STRADA: variants seen among roughly 807,000 people sequenced by gnomAD.
The protein encoded by STRADA is STE20 related adaptor alpha, also known as STE20-related kinase adapter protein alpha.
STRADA carries 26 observed loss-of-function variants against 55.0 expected under a neutral mutation model. The ratio of observed to expected loss-of-function variants is 0.47; its 90% CI spans 0.35 to 0.66. The LOEUF (loss-of-function observed/expected upper bound fraction) is 0.66. Among genes scored for constraint, STRADA ranks in the 30% least tolerant of loss-of-function variants. The probability of loss-of-function intolerance (pLI) is 0.01; values close to 1 mark genes in which losing one functional copy is unlikely to be tolerated. For synonymous variants in STRADA, 197 were observed against 210.9 expected (o/e 0.93, Z 0.57); for missense variants, 443 against 549.7 (o/e 0.81, Z 1.94).
intron 9 of STRADA, 97 bp downstream of exon 9, chr17:63,707,149 AC>A (rs2036147992): frequency 6.7e-7 from 1 of 1,489,540 alleles, no homozygotes. Flanking sequence ...CCTTTACCCC[AC>A]TGGGAGGTTG....
rs746701996 is a variant in STRADA, at chr17:63,726,627, A to G, written c.94+11T>C. ...TCCTGAAGTGATGGCTAAATGCCAT[A>G]CTGTACTTACCTCCAAATAGTTCCA... On this transcript the variant is annotated intron_variant, in intron 3 of 12. Coordinates refer to ENST00000336174, the MANE Select transcript of STRADA (RefSeq NM_001003787.4). 5 of 1,613,480 alleles carry G rather than the reference A, an allele frequency of 3.1e-6. No individual in the cohort carries two copies. In the South Asian group the frequency reaches 5.5e-5, roughly 18 times the overall value.
Position 63,707,397 on chromosome 17 carries a change from G to C in STRADA, c.603C>G (p.Ile201Met). 6.2e-7 allele frequency: 1 copy of C among 1,614,024 alleles called. No individual in the cohort carries two copies. Reference protein sequence around the residue: ...YVHRSVKASHILISVDGKVYL... With the variant: ...YVHRSVKASHMLISVDGKVYL... Reference sequence around the variant, plus strand: ...AGACCTTCCCATCCACAGAGATCAGGATGTGGCTGGCTTTGACACTCCTGG... The same window carrying C: ...AGACCTTCCCATCCACAGAGATCAGCATGTGGCTGGCTTTGACACTCCTGG... Residue 201 changes from isoleucine to methionine, a missense_variant, in exon 9 of 13, where the codon ATC becomes ATG. Transcript: ENST00000336174.
chr17:63,721,258 G>C (rs2037297263), intron 4 of STRADA, among the ~76,000 whole-genome samples: 1 of 151,900 alleles, frequency 6.6e-6, no homozygotes, highest in South Asian at 2.1e-4. Context: ...TGTAGTCCCA[G>C]CTACTCGGGA....
intron 9 of STRADA, 77 bp downstream of exon 9, chr17:63,707,170 G>C (rs1022010354): frequency 6.4e-7 from 1 of 1,574,708 alleles, no homozygotes; most frequent in Non-Finnish European, 8.7e-7. Context: ...GAGAGCCCCC[G>C]ACTCCAGGCA....
chr17:63,740,702 G>C (rs1344823346), intron 1 of STRADA, among the ~76,000 whole-genome samples: 2 of 152,122 alleles, frequency 1.3e-5, no homozygotes, highest in African/African-American at 2.4e-5. Flanking sequence ...CAGATAAGTG[G>C]TAGGGGACTA....
At chr17:63,724,205 T>G (rs1326819050) in intron 3 of STRADA, among the ~76,000 whole-genome samples, 1 of 151,242 alleles carries the variant, frequency 6.6e-6, no homozygotes, top group Admixed American at 6.6e-5. Flanking sequence ...TGCAGTGGTG[T>G]GATCCTGGCT....
chr17:63,732,745 C>T (rs1019548766), intron 1 of STRADA, among the ~76,000 whole-genome samples: 3 of 151,966 alleles, frequency 2.0e-5, no homozygotes, highest in African/African-American at 7.2e-5. Flanking sequence ...AAGTGAGCCA[C>T]GATCGCACCA....
chr17:63,726,685 G>C lies in STRADA; in HGVS notation c.47C>G (p.Ser16Trp). 6.2e-7 allele frequency: 1 copy of C among 1,613,882 alleles called. No homozygotes were observed. ...SKPERIRRWVSEKFIVEGLRD... is the reference protein window; with the variant it reads ...SKPERIRRWVWEKFIVEGLRD... ...TAAGCCCTCAACAATGAACTTTTCC[G>C]AGACCCACCGCTAAAGAGGAAAACC... is the stretch of plus-strand genomic sequence containing the variant. The change falls in exon 3 of 13, where the codon TCG (serine) becomes TGG (tryptophan). Residue 16 changes from serine (S) to tryptophan (W), a missense_variant. Ser to Trp is a radical substitution (Grantham distance 177). Transcript: ENST00000336174.
chr17:63,728,167 C>T (rs71377705), intron 2 of STRADA, 167 bp downstream of exon 2: 14,272 of 574,716 alleles, frequency 0.025, 268 homozygotes, highest in Non-Finnish European at 0.029. Flanking sequence ...CCTCTGTCTG[C>T]AAACTCTTCT....
rs1349915956 is a variant in STRADA, at chr17:63,723,326, T to G, written c.95A>C (p.Glu32Ala). Reference sequence around the variant, plus strand: ...TCTCCGAGTGTCACCCGGAGGCTGCTCTGGGGTAGAGAAATTGATTGTTGG... The same window carrying G: ...TCTCCGAGTGTCACCCGGAGGCTGCGCTGGGGTAGAGAAATTGATTGTTGG... ...EGLRDLELFG[E>A]QPPGDTRRKT... The change falls in exon 4 of 13, where the codon GAG becomes GCG. Residue 32 changes from glutamate to alanine, a missense_variant and splice_region_variant. Physicochemically the swap from Glu to Ala is moderately radical, Grantham distance 107 (BLOSUM62 -1). Coordinates refer to ENST00000336174, the MANE Select transcript of STRADA (RefSeq NM_001003787.4). 5 of 1,614,074 alleles carry G rather than the reference T, an allele frequency of 3.1e-6. No homozygotes were observed.
At chr17:63,726,126 G>A (rs1298979217) in intron 3 of STRADA, 1 of 152,274 alleles carries the variant, frequency 6.6e-6, no homozygotes, top group Non-Finnish European at 1.5e-5. Flanking sequence ...ATGGCCAAAG[G>A]GTAATGCCTA....
In STRADA at chr17:63,703,407, T is replaced by A; in HGVS notation, c.*192A>T. ...CCCTGGTTGTTGAGATTCCCTTGTGTCTCAAAAGCCTTGGAGCAGTGAAGT... is the reference window on the plus strand; with the variant it reads ...CCCTGGTTGTTGAGATTCCCTTGTGACTCAAAAGCCTTGGAGCAGTGAAGT... On this transcript the variant is annotated 3_prime_UTR_variant, in exon 13 of 13. Transcript: ENST00000336174. 1 of 590,164 alleles carries A rather than the reference T, an allele frequency of 1.7e-6. No individual in the cohort carries two copies. Among genetic ancestry groups the A allele is most frequent in the Non-Finnish European group, 2.9e-6 (1 of 341,482 alleles). The allele number at this position is 590,164 out of a possible 1,614,324, so 36.6% of individuals were successfully genotyped here.
intron 8 of STRADA, among the ~76,000 whole-genome samples, chr17:63,709,557 T>C (rs1047002737): frequency 6.6e-6 from 1 of 152,240 alleles, no homozygotes; most frequent in Non-Finnish European, 1.5e-5. Context: ...TTGTATTGGA[T>C]AGAAATCTTC....
intron 5 of STRADA, 60 bp from the exon 6 acceptor site, chr17:63,713,587 T>A: frequency 1.3e-6 from 2 of 1,580,422 alleles, no homozygotes; most frequent in South Asian, 2.4e-5. Context: ...TTTAAGAAAA[T>A]TTTCCTTTAA....
chr17:63,704,177 G>A (rs1435810970), intron 11 of STRADA, 130 bp from the exon 12 acceptor site: 8 of 1,518,844 alleles, frequency 5.3e-6, no homozygotes, highest in African/African-American at 2.7e-5. Flanking sequence ...AGTGGCCAGA[G>A]CTCCCCAGGC....
chr17:63,703,919 C>G (rs1214776775), intron 12 of STRADA, 86 bp downstream of exon 12: 19 of 1,607,182 alleles, frequency 1.2e-5, no homozygotes, highest in Non-Finnish European at 4.2e-6. Context: ...TTCTCTCATT[C>G]AAAGGGAGGG....
rs769545066 is a variant in STRADA, at chr17:63,729,798, C to CA, written c.-44-1386dup. On this transcript the variant is annotated intron_variant, in intron 1 of 12. Coordinates refer to ENST00000336174, the MANE Select transcript of STRADA (RefSeq NM_001003787.4). ...AGCTAGACTCCATCTCAAAACAAAC[C>CA]AAAAAAAACAACAAAAAAAAAACCA... Among the ~76,000 whole-genome samples, 445 of 85,344 alleles carry CA rather than the reference C, an allele frequency of 5.2e-3. 2 individuals carry two copies. Among genetic ancestry groups the CA allele is most frequent in the Non-Finnish European group, 5.6e-3 (267 of 47,368 alleles). 56.0% of individuals were successfully genotyped at this position (85,344 alleles called of 152,430 possible).
chr17:63,704,039 G>C lies in STRADA; in HGVS notation c.1109C>G (p.Ala370Gly), dbSNP rs1237637806. Residue 370 changes from alanine to glycine, a missense_variant, in exon 12 of 13, where the codon GCC (alanine) becomes GGC (glycine). By Grantham distance (60) the Ala-to-Gly change is moderately conservative. Transcript: ENST00000336174. ...LQRNPDARPS[A>G]STLLNHSFFK... ...GAAAGAGTGGTTCAGGAGGGTGCTG[G>C]CACTGGGCCTGGAGGGAAAGGGGAG... The C allele has an allele frequency of 6.2e-7, 1 of 1,613,920 alleles. No individual in the cohort carries two copies. The highest frequency in any genetic ancestry group is 2.2e-5 in the East Asian group (1 of 44,874).
chr17:63,741,308 TG>T (rs1274903587), intron 1 of STRADA: 4 of 152,256 alleles, frequency 2.6e-5, no homozygotes, highest in African/African-American at 9.6e-5. Context: ...GGGAGTCATC[TG>T]GATCTTGTGT....
Sources: gnomAD v4.1 joint callset for allele counts (sites outside exome capture counted in the v4.1 genomes callset) on GRCh38, gnomAD v4.1.1 for gene constraint, MANE v1.5 for transcripts, NCBI Gene and HGNC (gene_info 2026-07-23, HGNC 2026-07-21) for gene names.